Variants in AKAP6 observed in about 807,000 individuals in gnomAD.
The protein encoded by AKAP6 is A-kinase anchor protein 6.
A neutral mutation model predicts 188.5 loss-of-function variants in AKAP6; 58 were observed. The ratio of observed to expected loss-of-function variants is 0.31; its 90% CI spans 0.25 to 0.38. The LOEUF is 0.38. Ranked by LOEUF, AKAP6 falls within the 10% of genes least tolerant of loss-of-function variation. The pLI is 1.00. For missense variants in AKAP6, 2,710 were observed against 2,740.0 expected, an observed-to-expected ratio of 0.99 and a Z score of 0.24; for synonymous variants, 989 against 998.6, an observed-to-expected ratio of 0.99 and a Z score of 0.18.
At chr14:32,423,831 C>T (rs908744112) in intron 1 of AKAP6, among the ~76,000 whole-genome samples, 8 of 152,064 alleles carry the variant, frequency 5.3e-5, no homozygotes, top group African/African-American at 1.9e-4. Flanking sequence ...AGAAACATTG[C>T]ATGAAATGAT....
chr14:32,396,639 G>A (rs1310414705), intron 1 of AKAP6, among the ~76,000 whole-genome samples: 2 of 152,174 alleles, frequency 1.3e-5, no homozygotes, highest in African/African-American at 4.8e-5. Flanking sequence ...TTTTGTGAGA[G>A]TTTCCAGAAG....
rs71115071 is a variant in AKAP6, at chr14:32,453,575, CTTTTTTTTTTTTTTTTTTTTTTTTTTT to C, written c.324+19771_324+19797del. On this transcript the variant is annotated intron_variant, in intron 2 of 13. Transcript: ENST00000280979. ...GTGGAGATAATAGAATTTTTCTTTT[CTTTTTTTTTTTTTTTTTTTTTTTTTTT>C]TTTTTTTTTTTTGAGACGGAGTCTC... Among the ~76,000 whole-genome samples the C allele has an allele frequency of 5.2e-5, 5 of 95,356 alleles. No homozygotes were observed. The East Asian group carries it at 1.8e-3, about 34-fold the overall frequency. 62.6% of individuals were successfully genotyped at this position (95,356 alleles called of 152,430 possible).
chr14:32,636,987 A>G (rs918832630), intron 7 of AKAP6, among the ~76,000 whole-genome samples: 3 of 152,110 alleles, frequency 2.0e-5, no homozygotes, highest in African/African-American at 7.2e-5. Context: ...GCCTCAAAGC[A>G]GTAACGCTGA....
At position 32,618,599 on chromosome 14, in the gene AKAP6, A is replaced by G. The variant is rs184692858; in HGVS notation, c.2730+17807A>G. ...ATTTTCTTTATCTACTCATTGGTTG[A>G]TGGGTACTTAGGTTGGTTCCATATC... On this transcript the variant is annotated intron_variant, in intron 7 of 13. Transcript: ENST00000280979. Among the ~76,000 whole-genome samples, 357 of 152,216 alleles carry G rather than the reference A, an allele frequency of 2.3e-3. 1 individual carries two copies. The highest frequency in any genetic ancestry group is 3.1e-3 in the South Asian group (15 of 4,814).
intron 1 of AKAP6, among the ~76,000 whole-genome samples, chr14:32,398,658 A>T (rs539189602): frequency 1.3e-5 from 2 of 152,236 alleles, no homozygotes; most frequent in African/African-American, 4.8e-5. Context: ...TAAACACATG[A>T]TAATTGTCAA....
intron 11 of AKAP6, among the ~76,000 whole-genome samples, chr14:32,750,530 T>C (rs2032083668): frequency 6.6e-6 from 1 of 151,574 alleles, no homozygotes; most frequent in Non-Finnish European, 1.5e-5. Context: ...GAGACCAGCC[T>C]GGGCAACATA....
intron 1 of AKAP6, among the ~76,000 whole-genome samples, chr14:32,350,862 C>G (rs1887241835): frequency 6.6e-6 from 1 of 152,068 alleles, no homozygotes; most frequent in South Asian, 2.1e-4. Context: ...AGAAGTAGAA[C>G]TTCTCTGAGT....
chr14:32,768,535 A>G (rs976997319), intron 11 of AKAP6, among the ~76,000 whole-genome samples: 1 of 152,212 alleles, frequency 6.6e-6, no homozygotes, highest in Non-Finnish European at 1.5e-5. Flanking sequence ...GAAAAGATCT[A>G]TTCATTGATT....
At chr14:32,801,970 C>A (rs2033963175) in intron 12 of AKAP6, among the ~76,000 whole-genome samples, 1 of 152,096 alleles carries the variant, frequency 6.6e-6, no homozygotes, top group Admixed American at 6.6e-5. Flanking sequence ...GTATGATTTG[C>A]CTAAGCATAG....
intron 4 of AKAP6, among the ~76,000 whole-genome samples, chr14:32,553,796 T>C (rs1883582608): frequency 6.6e-6 from 1 of 152,214 alleles, no homozygotes; most frequent in Non-Finnish European, 1.5e-5. Context: ...CCCAATCTTT[T>C]TCTGAGGGTT....
intron 8 of AKAP6, among the ~76,000 whole-genome samples, chr14:32,694,862 A>G (rs770053334): frequency 3.9e-5 from 6 of 152,222 alleles, no homozygotes; most frequent in Non-Finnish European, 7.3e-5. Context: ...TAGTAATAAA[A>G]TACTCAACTG....
intron 12 of AKAP6, among the ~76,000 whole-genome samples, chr14:32,802,599 C>T (rs2033979694): frequency 1.3e-5 from 2 of 152,112 alleles, no homozygotes; most frequent in South Asian, 4.1e-4. Context: ...TTATCAATAT[C>T]CTGAAAAGTG....
chr14:32,500,464 A>G (rs1880554337), intron 2 of AKAP6, among the ~76,000 whole-genome samples: 2 of 152,296 alleles, frequency 1.3e-5, no homozygotes, highest in East Asian at 1.9e-4. Flanking sequence ...TCACTCTGTG[A>G]CGCTGAGCAT....
intron 5 of AKAP6, among the ~76,000 whole-genome samples, chr14:32,580,151 A>G (rs1001813501): frequency 1.2e-4 from 18 of 152,156 alleles, no homozygotes; most frequent in African/African-American, 1.7e-4. Context: ...ACACAAATCA[A>G]TTAAAGCTTT....
intron 3 of AKAP6, among the ~76,000 whole-genome samples, chr14:32,542,599 G>A (rs1459684132): frequency 6.6e-6 from 1 of 152,206 alleles, no homozygotes; most frequent in Non-Finnish European, 1.5e-5. Context: ...TGATAAGGAA[G>A]AGTCAACTAG....
chr14:32,563,891 T>TAAC (rs1884072875), intron 4 of AKAP6, among the ~76,000 whole-genome samples: 1 of 152,250 alleles, frequency 6.6e-6, no homozygotes, highest in Non-Finnish European at 1.5e-5. Flanking sequence ...TTCTAATTTA[T>TAAC]AATTTTGTCA....
chr14:32,652,636 C>A (rs1320238228), intron 7 of AKAP6, among the ~76,000 whole-genome samples: 1 of 152,160 alleles, frequency 6.6e-6, no homozygotes, highest in Non-Finnish European at 1.5e-5. Flanking sequence ...TTTTTCATTT[C>A]CAGCCAGGAA....
chr14:32,410,474 C>A (rs1465625365), intron 1 of AKAP6, among the ~76,000 whole-genome samples: 1 of 152,148 alleles, frequency 6.6e-6, no homozygotes, highest in East Asian at 1.9e-4. Context: ...TGTCTCATGT[C>A]TCCCCAAAAT....
At chr14:32,625,086 T>A (rs1195072530) in intron 7 of AKAP6, among the ~76,000 whole-genome samples, 1 of 152,128 alleles carries the variant, frequency 6.6e-6, no homozygotes, top group Non-Finnish European at 1.5e-5. Context: ...TTTCAATTCC[T>A]GCAAAGCATA....
Sources: gnomAD v4.1 joint callset for allele counts (sites outside exome capture counted in the v4.1 genomes callset) on GRCh38, gnomAD v4.1.1 for gene constraint, MANE v1.5 for transcripts, NCBI Gene and HGNC (gene_info 2026-07-23, HGNC 2026-07-21) for gene names.